Variants in FAM177A1 observed in about 807,000 individuals in gnomAD.
FAM177A1 encodes the protein protein FAM177A1.
FAM177A1 carries 22 observed loss-of-function variants against 26.1 expected under a neutral mutation model. The ratio of observed to expected loss-of-function variants is 0.84; its 90% CI spans 0.60 to 1.20. The LOEUF (loss-of-function observed/expected upper bound fraction) is 1.20, where lower values mean the gene tolerates loss of function less well. FAM177A1 is among the 50% of genes most tolerant of loss of function. The probability of loss-of-function intolerance (pLI) is 0.00; values close to 1 mark genes in which losing one functional copy is unlikely to be tolerated. For synonymous variants in FAM177A1, 95 were observed against 99.3 expected (o/e 0.96, Z 0.26); for missense variants, 296 against 291.1 (o/e 1.02, Z -0.12).
intron 2 of FAM177A1, among the ~76,000 whole-genome samples, chr14:35,076,119 G>A (rs1282358263): frequency 6.6e-6 from 1 of 152,118 alleles, no homozygotes; most frequent in Non-Finnish European, 1.5e-5. Flanking sequence ...TATAAATCAT[G>A]TTGCTATAAA....
chr14:35,082,536 TACACACACACAGAC>T lies in FAM177A1; in HGVS notation c.*1320_*1333del, dbSNP rs1566678023. 6.7e-6 allele frequency: 1 copy of T among 148,772 alleles called. No homozygotes were observed. The highest frequency in any genetic ancestry group is 2.5e-5 in the African/African-American group (1 of 39,798). 9.2% of individuals were successfully genotyped at this position (148,772 alleles called of 1,614,324 possible). On this transcript the variant is annotated 3_prime_UTR_variant, in exon 5 of 5. Coordinates refer to ENST00000280987, the MANE Select transcript of FAM177A1 (RefSeq NM_173607.5). The stretch of plus-strand genomic sequence containing the variant: ...TTGGGGGGAAAAAAGTATATATATA[TACACACACACAGAC>T]ACACACACACACACATATATCTCTA...
intron 2 of FAM177A1, among the ~76,000 whole-genome samples, chr14:35,065,441 TC>T (rs1426031114): frequency 6.6e-6 from 1 of 151,190 alleles, no homozygotes; most frequent in African/African-American, 2.4e-5. Context: ...ACCAAAGACT[TC>T]CACCTGAATA....
intron 3 of FAM177A1, 52 bp downstream of exon 3, chr14:35,077,268 ACAGGAAC>A: frequency 6.5e-7 from 1 of 1,528,678 alleles, no homozygotes; most frequent in South Asian, 1.1e-5. Context: ...TGCTTCAGCA[ACAGGAAC>A]TTTGCTAAAT....
Position 35,064,777 on chromosome 14 carries a change from G to C in FAM177A1, c.339+11326G>C, listed in dbSNP as rs890086610. 4.0e-5 allele frequency among the ~76,000 whole-genome samples: 6 copies of C among 151,736 alleles called. No homozygotes were observed. In the East Asian group the frequency reaches 1.2e-3, roughly 30 times the overall value. On this transcript the variant is annotated intron_variant, in intron 2 of 4. Coordinates refer to ENST00000280987, the MANE Select transcript of FAM177A1 (RefSeq NM_173607.5). ...ACCATTCTCCTTGCCTCAGCCTCCCGAGTAGCTGGGAATGCAGGCACCCGC... is the reference window on the plus strand; with the variant it reads ...ACCATTCTCCTTGCCTCAGCCTCCCCAGTAGCTGGGAATGCAGGCACCCGC...
intron 2 of FAM177A1, among the ~76,000 whole-genome samples, chr14:35,065,483 G>A (rs1168407235): frequency 6.7e-6 from 1 of 149,014 alleles, no homozygotes; most frequent in African/African-American, 2.5e-5. Context: ...GATAAGATAA[G>A]CACATCTTAA....
chr14:35,048,982 C>A (rs973796400), intron 1 of FAM177A1, among the ~76,000 whole-genome samples: 2 of 151,858 alleles, frequency 1.3e-5, no homozygotes, highest in African/African-American at 4.8e-5. Context: ...CCTCCACCTC[C>A]CGGGTTCACG....
At chr14:35,068,235 A>C in intron 2 of FAM177A1, among the ~76,000 whole-genome samples, 1 of 152,234 alleles carries the variant, frequency 6.6e-6, no homozygotes, top group East Asian at 1.9e-4. Context: ...AATCTTTTAC[A>C]TGGTGGAGTA....
chr14:35,064,752 A>T (rs2045214811), intron 2 of FAM177A1, among the ~76,000 whole-genome samples: 2 of 151,164 alleles, frequency 1.3e-5, no homozygotes, highest in African/African-American at 2.4e-5. Context: ...CCAGGTTCAC[A>T]CCATTCTCCT....
chr14:35,047,118 C>T, intron 1 of FAM177A1: 1 of 580,618 alleles, frequency 1.7e-6, no homozygotes, highest in Non-Finnish European at 2.2e-6. Flanking sequence ...GCCGAGGCAA[C>T]TAAGGCTCCG....
chr14:35,080,974 T>C (rs1240021301), intron 4 of FAM177A1, 48 bp from the exon 5 acceptor site: 1 of 1,533,822 alleles, frequency 6.5e-7, no homozygotes, highest in African/African-American at 1.4e-5. Flanking sequence ...TATATACCTT[T>C]TGGACTTTCG....
chr14:35,076,427 C>T (rs1177608776), intron 2 of FAM177A1, among the ~76,000 whole-genome samples: 2 of 151,658 alleles, frequency 1.3e-5, no homozygotes, highest in African/African-American at 2.4e-5. Context: ...GAACATCACA[C>T]ACTGGGGCCT....
rs373465295 is a variant in FAM177A1 at position 35,081,261 on chromosome 14, GT to G, written c.*45del. On this transcript the variant is annotated 3_prime_UTR_variant, in exon 5 of 5. Coordinates refer to ENST00000280987, the MANE Select transcript of FAM177A1 (RefSeq NM_173607.5). ...TGACTATCAAGCTTCAAACTCTTAA[GT>G]TTTTTTTTTTTAATACAAAAACTTT... 56,034 of 1,221,710 alleles carry G rather than the reference GT, an allele frequency of 0.046. 254 individuals carry two copies. Among genetic ancestry groups the G allele is most frequent in the South Asian group, 0.057 (3,436 of 60,058 alleles). 75.7% of individuals were successfully genotyped at this position (1,221,710 alleles called of 1,614,324 possible). A position where few individuals can be genotyped will look rare whatever the true frequency, so the allele number is the denominator to read the frequency against.
chr14:35,081,139 A>G lies in FAM177A1; in HGVS notation c.622A>G (p.Ser208Gly). The G allele has an allele frequency of 6.2e-7, 1 of 1,613,742 alleles. No homozygotes were observed. The highest frequency in any genetic ancestry group is 8.5e-7 in the Non-Finnish European group (1 of 1,179,874). ...AGATCAACCAGAGACAGTGATATCC[A>G]GCTCATTTGTGAATGTCAATTTTGA... ...QTDQPETVIS[S>G]SFVNVNFEME... Residue 208 changes from serine to glycine, a missense_variant, in exon 5 of 5, where the codon AGC becomes GGC. Coordinates refer to ENST00000280987, the MANE Select transcript of FAM177A1 (RefSeq NM_173607.5).
chr14:35,062,115 C>G (rs1221736876), intron 2 of FAM177A1, among the ~76,000 whole-genome samples: 1 of 152,146 alleles, frequency 6.6e-6, no homozygotes, highest in Non-Finnish European at 1.5e-5. Context: ...TGGGAGGGTG[C>G]TGAGAGGGAG....
At chr14:35,058,159 T>C (rs909896535) in intron 2 of FAM177A1, among the ~76,000 whole-genome samples, 5 of 152,116 alleles carry the variant, frequency 3.3e-5, no homozygotes, top group African/African-American at 9.7e-5. Flanking sequence ...CTGCAACCTC[T>C]GCCTCCCAGG....
At chr14:35,044,918 A>T (rs2044839316), upstream of FAM177A1, 1 of 151,892 alleles carries the variant, frequency 6.6e-6, no homozygotes, top group Non-Finnish European at 1.5e-5. Flanking sequence ...AGAAAATTGT[A>T]ATTTGATATT....
chr14:35,051,803 G>C (rs1159508880), intron 1 of FAM177A1, among the ~76,000 whole-genome samples: 1 of 152,166 alleles, frequency 6.6e-6, no homozygotes, highest in Non-Finnish European at 1.5e-5. Flanking sequence ...AATCATATCT[G>C]TTTTCTAAGA....
chr14:35,059,535 C>CTT lies in FAM177A1; in HGVS notation c.339+6102_339+6103dup, dbSNP rs767772869. 5.7e-4 allele frequency among the ~76,000 whole-genome samples: 69 copies of CTT among 120,446 alleles called. 1 individual carries two copies. Among genetic ancestry groups the CTT allele is most frequent in the Non-Finnish European group, 7.1e-4 (40 of 56,310 alleles). The allele number at this position is 120,446 out of a possible 152,430, so 79.0% of individuals were successfully genotyped here. A position where few individuals can be genotyped will look rare whatever the true frequency, so the allele number is the denominator to read the frequency against. Reference sequence around the variant, plus strand: ...ATTTTCTACAGAAGCATTTACATTTCTTTTTTTTTTTTTTTTTTTGAGACA... The same window carrying CTT: ...ATTTTCTACAGAAGCATTTACATTTCTTTTTTTTTTTTTTTTTTTTTGAGACA... On this transcript the variant is annotated intron_variant, in intron 2 of 4. Coordinates refer to ENST00000280987, the MANE Select transcript of FAM177A1 (RefSeq NM_173607.5).
chr14:35,073,249 T>C, intron 2 of FAM177A1, among the ~76,000 whole-genome samples: 1 of 152,324 alleles, frequency 6.6e-6, no homozygotes, highest in South Asian at 2.1e-4. Context: ...TTTTGTATTT[T>C]AGTAAAGACA....
Sources: gnomAD v4.1 joint callset for allele counts (sites outside exome capture counted in the v4.1 genomes callset) on GRCh38, gnomAD v4.1.1 for gene constraint, MANE v1.5 for transcripts, NCBI Gene and HGNC (gene_info 2026-07-23, HGNC 2026-07-21) for gene names.